The following TUBA1C variants were observed in gnomAD, a reference collection of about 807,000 sequenced individuals.
TUBA1C encodes tubulin alpha 1c, also known as tubulin alpha-1C chain.
A neutral mutation model predicts 34.9 loss-of-function variants in TUBA1C; 16 were observed. The ratio of observed to expected loss-of-function variants is 0.46; its 90% CI spans 0.31 to 0.70. TUBA1C has a LOEUF of 0.70. TUBA1C is among the 30% of genes least tolerant of loss of function. The pLI is 0.05. For synonymous variants in TUBA1C, 177 were observed against 215.9 expected (o/e 0.82, Z 1.58); for missense variants, 329 against 587.3 (o/e 0.56, Z 4.55).
intron 3 of TUBA1C, among the ~76,000 whole-genome samples, chr12:49,270,781 C>G (rs1415499356): frequency 6.6e-6 from 1 of 152,088 alleles, no homozygotes; most frequent in African/African-American, 2.4e-5. Flanking sequence ...GAGATCGAGA[C>G]CATCCTGGCT....
chr12:49,270,805 CCT>C (rs1005201923), intron 3 of TUBA1C, among the ~76,000 whole-genome samples: 1 of 151,956 alleles, frequency 6.6e-6, no homozygotes, highest in African/African-American at 2.4e-5. Flanking sequence ...ATGGTGAAAC[CCT>C]CTCTACTAAA....
At chr12:49,269,363 AGTTATCT>A in intron 1 of TUBA1C, 95 bp from the exon 2 acceptor site, 1 of 1,553,430 alleles carries the variant, frequency 6.4e-7, no homozygotes, top group Non-Finnish European at 8.7e-7. Context: ...GCGCCCAGCC[AGTTATCT>A]GTCTTGAAGG....
chr12:49,240,754 ATT>A (rs1565639830), intron 1 of TUBA1C, among the ~76,000 whole-genome samples: 1 of 151,824 alleles, frequency 6.6e-6, no homozygotes, highest in African/African-American at 2.4e-5. Flanking sequence ...CACTGGACTA[ATT>A]TTTTTTATTA....
chr12:49,239,073 G>A (rs12296536), intron 1 of TUBA1C, among the ~76,000 whole-genome samples: 2,541 of 152,244 alleles, frequency 0.017, 72 homozygotes, highest in African/African-American at 0.058. Context: ...CCTGGCAACC[G>A]GATCCCCATC....
intron 1 of TUBA1C, among the ~76,000 whole-genome samples, chr12:49,242,646 T>A (rs1238003575): frequency 6.6e-6 from 1 of 151,780 alleles, no homozygotes; most frequent in Non-Finnish European, 1.5e-5. Context: ...TTCCAGCTAA[T>A]TTTTTTGTTG....
intron 1 of TUBA1C, among the ~76,000 whole-genome samples, chr12:49,248,758 C>T (rs186542242): frequency 6.7e-6 from 1 of 150,094 alleles, no homozygotes; most frequent in Admixed American, 6.7e-5. Context: ...GTCCCAGCTA[C>T]TCGGGAGGCT....
At position 49,270,129 on chromosome 12, in the gene TUBA1C, A is replaced by G; in HGVS notation, c.375+153A>G. 3 of 1,473,026 alleles carry G rather than the reference A, an allele frequency of 2.0e-6. 1 individual carries two copies. Among genetic ancestry groups the G allele is most frequent in the South Asian group, 2.4e-5 (2 of 84,696 alleles). The allele number at this position is 1,473,026 out of a possible 1,614,324, so 91.2% of individuals were successfully genotyped here. On this transcript the variant is annotated intron_variant, in intron 3 of 3. Transcript: ENST00000301072. ...TAAATTAATTGGATTTCTGAACCAG[A>G]TGATCTTGGATTTATGGGACAACTA...
chr12:49,258,250 T>C (rs1187162058), intron 1 of TUBA1C, among the ~76,000 whole-genome samples: 1 of 152,054 alleles, frequency 6.6e-6, no homozygotes, highest in East Asian at 1.9e-4. Context: ...TAAGTGTCAG[T>C]GTTTATAAAG....
intron 1 of TUBA1C, among the ~76,000 whole-genome samples, chr12:49,255,768 G>C (rs973475743): frequency 1.5e-4 from 23 of 152,156 alleles, no homozygotes; most frequent in East Asian, 5.8e-4. Context: ...GTTTCACCAT[G>C]TTGGCCAGGC....
At chr12:49,252,862 G>A (rs1243288436) in intron 1 of TUBA1C, among the ~76,000 whole-genome samples, 3 of 151,272 alleles carry the variant, frequency 2.0e-5, no homozygotes, top group Admixed American at 1.3e-4. Flanking sequence ...GCGGTGAGCC[G>A]AGATCATGCC....
intron 1 of TUBA1C, among the ~76,000 whole-genome samples, chr12:49,258,925 T>C (rs559213665): frequency 1.8e-4 from 27 of 150,298 alleles, no homozygotes; most frequent in Admixed American, 1.5e-3. Flanking sequence ...CCTGGCTAAC[T>C]TTTTTGTATT....
chr12:49,267,780 T>C (rs1324179916), intron 1 of TUBA1C, among the ~76,000 whole-genome samples: 1 of 152,152 alleles, frequency 6.6e-6, no homozygotes, highest in Non-Finnish European at 1.5e-5. Context: ...CCTTGATTGT[T>C]TCATGGGGAG....
chr12:49,264,817 CTT>C (rs1942879579), upstream of TUBA1C: 2 of 117,936 alleles, frequency 1.7e-5, no homozygotes, highest in Non-Finnish European at 3.4e-5. Context: ...CCTTCCTCCC[CTT>C]CCTCCCCTTC....
chr12:49,255,620 G>T (rs893774259), intron 1 of TUBA1C, among the ~76,000 whole-genome samples: 1 of 151,868 alleles, frequency 6.6e-6, no homozygotes, highest in Non-Finnish European at 1.5e-5. Context: ...GTGCAGTGGC[G>T]CAATCTCAGC....
upstream of TUBA1C, among the ~76,000 whole-genome samples, chr12:49,264,209 G>GCAAA (rs1942869038): frequency 7.0e-6 from 1 of 143,654 alleles, no homozygotes; most frequent in Non-Finnish European, 1.5e-5. Flanking sequence ...GACAGAACGA[G>GCAAA]ACTCCGTCTC....
intron 1 of TUBA1C, 124 bp from the exon 2 acceptor site, chr12:49,269,341 G>T: frequency 6.8e-7 from 1 of 1,462,426 alleles, no homozygotes; most frequent in South Asian, 1.2e-5. Flanking sequence ...GGGATTACAG[G>T]TGTGAGTCAC....
In TUBA1C at chr12:49,272,434, A is replaced by G; in HGVS notation, c.557A>G (p.Asn186Ser). The G allele has an allele frequency of 1.2e-6, 2 of 1,612,884 alleles. No homozygotes were observed. Among genetic ancestry groups the G allele is most frequent in the Non-Finnish European group, 1.7e-6 (2 of 1,179,836 alleles). ...QVSTAVVEPY[N>S]SILTTHTTLE... ...TCCACAGCTGTAGTTGAGCCCTACAACTCCATCCTCACCACCCACACCACC... is the reference window on the plus strand; with the variant it reads ...TCCACAGCTGTAGTTGAGCCCTACAGCTCCATCCTCACCACCCACACCACC... The change falls in exon 4 of 4, where the codon AAC (asparagine) becomes AGC (serine). Residue 186 changes from asparagine to serine, a missense_variant. Around this residue, in one of 4 missense-constraint regions of TUBA1C, gnomAD observed 152 missense variants for 240.3 expected, o/e 0.63. Coordinates refer to ENST00000301072, the MANE Select transcript of TUBA1C (RefSeq NM_032704.5).
chr12:49,261,224 C>T (rs947969390), upstream of TUBA1C, among the ~76,000 whole-genome samples: 11 of 149,834 alleles, frequency 7.3e-5, no homozygotes, highest in Admixed American at 6.6e-4. Context: ...AGCGAGACAC[C>T]GTCTCAAAAA....
intron 1 of TUBA1C, among the ~76,000 whole-genome samples, chr12:49,255,482 G>A (rs568246357): frequency 6.7e-6 from 1 of 150,110 alleles, no homozygotes; most frequent in South Asian, 2.1e-4. Context: ...CAAACCTCTG[G>A]ACTCATGTGA....
Sources: gnomAD v4.1 joint callset for allele counts (sites outside exome capture counted in the v4.1 genomes callset) on GRCh38, gnomAD v4.1.1 for gene constraint, gnomAD v4.1.1 regional missense constraint, MANE v1.5 for transcripts, NCBI Gene and HGNC (gene_info 2026-07-23, HGNC 2026-07-21) for gene names.